RIGI: variants seen among roughly 807,000 people sequenced by gnomAD.
RIGI encodes antiviral innate immune response receptor RIG-I.
At chr9:32,485,298 AAAG>A in the RIGI span, 2 of 1,502,028 alleles carry the variant, frequency 1.3e-6, no homozygotes, top group Non-Finnish European at 1.8e-6. Context: ...GTCAAAAAAA[AAAG>A]AAAAAGAAAA....
At chr9:32,477,322 C>T in the RIGI span, among the ~76,000 whole-genome samples, 1 of 152,146 alleles carries the variant, frequency 6.6e-6, no homozygotes, top group Admixed American at 6.5e-5. Flanking sequence ...ACATAATACA[C>T]ACACATCTTT....
At chr9:32,455,369 T>TAA in the RIGI span, among the ~76,000 whole-genome samples, 2 of 152,052 alleles carry the variant, frequency 1.3e-5, no homozygotes, top group African/African-American at 4.8e-5. Context: ...TCAGGAAACT[T>TAA]ACAATCATGG....
the RIGI span, among the ~76,000 whole-genome samples, chr9:32,508,368 G>A: frequency 7.4e-4 from 111 of 150,800 alleles, no homozygotes; most frequent in African/African-American, 2.5e-3. Flanking sequence ...CACAGAAGGC[G>A]GGTGATTTCT....
the RIGI span, among the ~76,000 whole-genome samples, chr9:32,520,773 T>G: frequency 6.6e-6 from 1 of 152,106 alleles, no homozygotes; most frequent in Admixed American, 6.6e-5. Flanking sequence ...TACTCTACTC[T>G]TTAATAGGAA....
chr9:32,492,542 A>G, the RIGI span: 7 of 1,614,114 alleles, frequency 4.3e-6, no homozygotes, highest in Non-Finnish European at 5.9e-6. Context: ...AGCAAATCTA[A>G]GCAAGGTAAC....
At chr9:32,515,674 A>G in the RIGI span, among the ~76,000 whole-genome samples, 1 of 152,038 alleles carries the variant, frequency 6.6e-6, no homozygotes, top group Admixed American at 6.5e-5. Context: ...TCCTGAGTCT[A>G]CTCTTGCAGT....
At chr9:32,494,417 T>C in the RIGI span, among the ~76,000 whole-genome samples, 1 of 152,206 alleles carries the variant, frequency 6.6e-6, no homozygotes, top group Non-Finnish European at 1.5e-5. Context: ...TTACTTAATA[T>C]TATTCTACAT....
chr9:32,524,528 G>C, the RIGI span, among the ~76,000 whole-genome samples: 2 of 149,858 alleles, frequency 1.3e-5, no homozygotes, highest in South Asian at 2.1e-4. Flanking sequence ...ATAACATCAG[G>C]AAAGACTGGC....
the RIGI span, among the ~76,000 whole-genome samples, chr9:32,514,721 T>C: frequency 6.6e-6 from 1 of 152,190 alleles, no homozygotes; most frequent in South Asian, 2.1e-4. Context: ...ACTTAAAGTA[T>C]AATTTAAAAA....
At chr9:32,485,161 G>A in the RIGI span, 3 of 1,567,096 alleles carry the variant, frequency 1.9e-6, no homozygotes, top group Non-Finnish European at 2.6e-6. Context: ...CACAAAATAT[G>A]AGATTTATCT....
chr9:32,477,110 CT>C, the RIGI span: 2 of 1,613,544 alleles, frequency 1.2e-6, no homozygotes, highest in Non-Finnish European at 8.5e-7. Context: ...CCTGGAAACA[CT>C]TTCTAGTTCC....
the RIGI span, among the ~76,000 whole-genome samples, chr9:32,514,072 A>G: frequency 6.6e-6 from 1 of 152,194 alleles, no homozygotes; most frequent in African/African-American, 2.4e-5. Context: ...AAGTCAGGAA[A>G]CAACAGATGC....
chr9:32,519,351 C>G, the RIGI span, among the ~76,000 whole-genome samples: 41 of 152,222 alleles, frequency 2.7e-4, no homozygotes, highest in Non-Finnish European at 5.9e-5. Flanking sequence ...TCATCATTTG[C>G]TCTACTTATC....
At chr9:32,493,669 G>T in the RIGI span, 1 of 822,708 alleles carries the variant, frequency 1.2e-6, no homozygotes, top group Non-Finnish European at 1.8e-6. Flanking sequence ...GGGTTTCAAT[G>T]ATCTTTCTCA....
chr9:32,525,689 T>C, the RIGI span, among the ~76,000 whole-genome samples: 1 of 152,210 alleles, frequency 6.6e-6, no homozygotes, highest in East Asian at 1.9e-4. Flanking sequence ...GTCCCATCCC[T>C]TGGACTGTAA....
At chr9:32,525,534 T>C in the RIGI span, among the ~76,000 whole-genome samples, 10 of 152,358 alleles carry the variant, frequency 6.6e-5, no homozygotes, top group Non-Finnish European at 1.0e-4. Context: ...TATTAAAGCC[T>C]AAAGCTATTC....
chr9:32,457,390 G>A, the RIGI span: 4 of 1,613,402 alleles, frequency 2.5e-6, no homozygotes, highest in South Asian at 4.4e-5. Flanking sequence ...TTCCTTAAAA[G>A]CATCTCCAAG....
chr9:32,456,203 CAAAGAGAACAATGGCACACGT>C, the RIGI span: 1 of 152,070 alleles, frequency 6.6e-6, no homozygotes, highest in Admixed American at 6.5e-5. Flanking sequence ...GGAAAATGGT[CAAAGAGAACAATGGCACACGT>C]TAAGAGAACA....
chr9:32,523,030 T>G, the RIGI span, among the ~76,000 whole-genome samples: 1 of 152,198 alleles, frequency 6.6e-6, no homozygotes. Context: ...AGGCCCCTCA[T>G]TTATCATGAT....
Sources: gnomAD v4.1 joint callset for allele counts (sites outside exome capture counted in the v4.1 genomes callset) on GRCh38, gnomAD v4.1.1 for gene constraint, MANE v1.5 for transcripts, NCBI Gene and HGNC (gene_info 2026-07-23, HGNC 2026-07-21) for gene names.